CDH20: variants seen among roughly 807,000 people sequenced by gnomAD.
The protein encoded by CDH20 is cadherin-20.
A neutral mutation model predicts 74.2 loss-of-function variants in CDH20; 29 were observed. That is an observed-to-expected ratio of 0.39 (90% confidence interval 0.29 to 0.53). The LOEUF (loss-of-function observed/expected upper bound fraction) is 0.53. CDH20 is among the 20% of genes least tolerant of loss of function. The pLI is 0.69. For synonymous variants in CDH20, 469 were observed against 405.4 expected, an observed-to-expected ratio of 1.16 and a Z score of -1.88; for missense variants, 988 against 1,048.3, an observed-to-expected ratio of 0.94 and a Z score of 0.79.
At chr18:61,392,578 C>T (rs927127668) in intron 1 of CDH20, among the ~76,000 whole-genome samples, 1 of 152,068 alleles carries the variant, frequency 6.6e-6, no homozygotes, top group African/African-American at 2.4e-5. Flanking sequence ...TATCCATCTC[C>T]CTCTCCATGC....
intron 1 of CDH20, among the ~76,000 whole-genome samples, chr18:61,379,245 T>C (rs1911353137): frequency 6.6e-6 from 1 of 152,234 alleles, no homozygotes; most frequent in Non-Finnish European, 1.5e-5. Context: ...AGCCTAATAA[T>C]AATCAAGCAA....
chr18:61,453,789 G>A (rs1158521190), intron 1 of CDH20, among the ~76,000 whole-genome samples: 1 of 152,182 alleles, frequency 6.6e-6, no homozygotes, highest in Non-Finnish European at 1.5e-5. Flanking sequence ...ATATTTTTGG[G>A]TAAACATGTC....
In CDH20 at chr18:61,496,522, C is replaced by T. The variant is rs188445600; in HGVS notation, c.247-2664C>T. Among the ~76,000 whole-genome samples the T allele has an allele frequency of 1.8e-3, 280 of 152,164 alleles. 1 individual carries two copies. The highest frequency in any genetic ancestry group is 6.2e-3 in the African/African-American group (259 of 41,528). On this transcript the variant is annotated intron_variant, in intron 2 of 11. Transcript: ENST00000262717. ...ATGAAGGTCACACGGAAAGCGAAGG[C>T]CTCACACTCAAGCGTCAGCCCAGAC...
rs372187349 is a variant in CDH20 at position 61,554,486 on chromosome 18, G to A, written c.2197G>A (p.Ala733Thr). 4.3e-6 allele frequency: 7 copies of A among 1,612,828 alleles called. No homozygotes were observed. In the African/African-American group the frequency reaches 9.3e-5, roughly 22 times the overall value. Residue 733 changes from alanine to threonine, a missense_variant, in exon 12 of 12, where the codon GCC becomes ACC. Ala to Thr is a moderately conservative substitution (Grantham distance 58). Coordinates refer to ENST00000262717, the MANE Select transcript of CDH20 (RefSeq NM_031891.4). ...CTACGTGCTGGCCAAGCTCTACGAGGCCGACATGGACCTGTGGGCACCGCC... is the reference window on the plus strand; with the variant it reads ...CTACGTGCTGGCCAAGCTCTACGAGACCGACATGGACCTGTGGGCACCGCC... ...HSYVLAKLYE[A>T]DMDLWAPPFD...
chr18:61,360,009 T>C (rs1157444927), intron 1 of CDH20, among the ~76,000 whole-genome samples: 1 of 152,278 alleles, frequency 6.6e-6, no homozygotes, highest in East Asian at 1.9e-4. Context: ...CAAATTTAAG[T>C]GTGTATGAGA....
intron 1 of CDH20, among the ~76,000 whole-genome samples, chr18:61,382,576 G>A (rs527242344): frequency 1.4e-4 from 22 of 152,216 alleles, no homozygotes; most frequent in African/African-American, 5.1e-4. Context: ...ACACATAATT[G>A]CTATTATTAT....
At chr18:61,514,754 C>T (rs1189122900) in intron 6 of CDH20, among the ~76,000 whole-genome samples, 4 of 151,894 alleles carry the variant, frequency 2.6e-5, no homozygotes. Flanking sequence ...TTGGAATACC[C>T]TGCCGTGTGA....
chr18:61,387,379 A>G (rs1911635963), intron 1 of CDH20, among the ~76,000 whole-genome samples: 1 of 152,220 alleles, frequency 6.6e-6, no homozygotes, highest in South Asian at 2.1e-4. Flanking sequence ...CATGTTCTTC[A>G]GTGCAATGAT....
At position 61,373,413 on chromosome 18, in the gene CDH20, C is replaced by G. The variant is rs184108174; in HGVS notation, c.-153+39586C>G. Among the ~76,000 whole-genome samples the G allele has an allele frequency of 2.0e-3, 297 of 152,206 alleles. 4 individuals are homozygous for G. Among genetic ancestry groups the G allele is most frequent in the African/African-American group, 7.0e-3 (290 of 41,524 alleles). ...ATCCCCTAATGACTATTACCCGAGACTACTTCACCTAACTGCCAGAAATGC... is the reference window on the plus strand; with the variant it reads ...ATCCCCTAATGACTATTACCCGAGAGTACTTCACCTAACTGCCAGAAATGC... On this transcript the variant is annotated intron_variant, in intron 1 of 11. Transcript: ENST00000262717.
At chr18:61,525,586 G>A (rs1194592804) in intron 6 of CDH20, among the ~76,000 whole-genome samples, 1 of 152,094 alleles carries the variant, frequency 6.6e-6, no homozygotes, top group Non-Finnish European at 1.5e-5. Flanking sequence ...GGTGGAGATG[G>A]GCGTCTGGGT....
At chr18:61,374,268 C>T (rs1434721160) in intron 1 of CDH20, among the ~76,000 whole-genome samples, 2 of 152,082 alleles carry the variant, frequency 1.3e-5, no homozygotes, top group African/African-American at 4.8e-5. Context: ...TGAGTAGGTG[C>T]ATAACTAACT....
Position 61,537,427 on chromosome 18 carries a change from C to T in CDH20, c.1408+798C>T, listed in dbSNP as rs548280914. 8.1e-4 allele frequency among the ~76,000 whole-genome samples: 123 copies of T among 152,242 alleles called. 1 individual carries two copies. The South Asian group carries it at 0.02, about 25-fold the overall frequency. ...TAAAATAAGGAGAAAATGGAAATTA[C>T]TTAAGTGTCTAATAATAGGAGACTA... On this transcript the variant is annotated intron_variant, in intron 8 of 11. Transcript: ENST00000262717.
rs1190877894 is a variant in CDH20, at chr18:61,519,135, C to T, written c.1018-8832C>T. Among the ~76,000 whole-genome samples, 5 of 151,320 alleles carry T rather than the reference C, an allele frequency of 3.3e-5. No homozygotes were observed. The East Asian group carries it at 9.6e-4, about 29-fold the overall frequency. On this transcript the variant is annotated intron_variant, in intron 6 of 11. Coordinates refer to ENST00000262717, the MANE Select transcript of CDH20 (RefSeq NM_031891.4). ...TATGGGACTACATGAAAAGACCAAA[C>T]CTACATTTGTTTGTTGTACCTGAAA...
In CDH20 at chr18:61,544,250, G is replaced by A. The variant is rs371676395; in HGVS notation, c.1531-777G>A. On this transcript the variant is annotated intron_variant, in intron 9 of 11. Coordinates refer to ENST00000262717, the MANE Select transcript of CDH20 (RefSeq NM_031891.4). ...GGCAGGTGCAGAAGCCATGGGGAGC[G>A]CTTTTGGGCTCTGGCCCAAAGGCAG... Among the ~76,000 whole-genome samples the A allele has an allele frequency of 2.5e-4, 38 of 152,288 alleles. No individual in the cohort carries two copies. The South Asian group carries it at 3.3e-3, about 13-fold the overall frequency.
chr18:61,522,900 A>T (rs1912261272), intron 6 of CDH20, among the ~76,000 whole-genome samples: 1 of 152,232 alleles, frequency 6.6e-6, no homozygotes, highest in South Asian at 2.1e-4. Flanking sequence ...CTTATGCCTT[A>T]TACAAACATT....
chr18:61,484,047 G>T (rs1304972146), intron 1 of CDH20, among the ~76,000 whole-genome samples: 1 of 152,182 alleles, frequency 6.6e-6, no homozygotes, highest in East Asian at 1.9e-4. Context: ...AAAACTGCAG[G>T]ATTTTCCTAA....
intron 1 of CDH20, among the ~76,000 whole-genome samples, chr18:61,344,096 CTG>C (rs749763609): frequency 1.6e-4 from 25 of 152,300 alleles, no homozygotes; most frequent in Admixed American, 2.6e-4. Context: ...GTAAACTACT[CTG>C]TGTAATTTTG....
intron 1 of CDH20, among the ~76,000 whole-genome samples, chr18:61,472,170 T>G (rs1910204965): frequency 6.6e-6 from 1 of 151,808 alleles, no homozygotes; most frequent in Non-Finnish European, 1.5e-5. Flanking sequence ...CCAGGCTCCC[T>G]CCCACCCCCA....
At chr18:61,461,342 A>C (rs1161864681) in intron 1 of CDH20, among the ~76,000 whole-genome samples, 1 of 150,958 alleles carries the variant, frequency 6.6e-6, no homozygotes, top group Non-Finnish European at 1.5e-5. Flanking sequence ...AAAAAAAAAA[A>C]AAAAAACCAG....
Sources: gnomAD v4.1 joint callset for allele counts (sites outside exome capture counted in the v4.1 genomes callset) on GRCh38, gnomAD v4.1.1 for gene constraint, MANE v1.5 for transcripts, NCBI Gene and HGNC (gene_info 2026-07-23, HGNC 2026-07-21) for gene names.